The following P2RY12 variants were observed in gnomAD, a reference collection of about 807,000 sequenced individuals.
P2RY12 encodes the protein purinergic receptor P2Y12, also known as P2Y purinoceptor 12.
Under a neutral mutation model 4.5 loss-of-function variants are expected in P2RY12, and 3 were observed. The ratio of observed to expected loss-of-function variants is 0.67; its 90% CI spans 0.31 to 1.74. The LOEUF (loss-of-function observed/expected upper bound fraction) is 1.74, where lower values mean the gene tolerates loss of function less well. P2RY12 is among the 40% of genes most tolerant of loss of function. The probability of loss-of-function intolerance (pLI) is 0.09; values close to 1 mark genes in which losing one functional copy is unlikely to be tolerated. For synonymous variants in P2RY12, 148 were observed against 154.1 expected, an observed-to-expected ratio of 0.96 and a Z score of 0.29; for missense variants, 356 against 407.8, an observed-to-expected ratio of 0.87 and a Z score of 1.09.
At chr3:151,342,068 C>T (rs954075384) in intron 1 of P2RY12, among the ~76,000 whole-genome samples, 1 of 152,108 alleles carries the variant, frequency 6.6e-6, no homozygotes, top group Non-Finnish European at 1.5e-5. Flanking sequence ...AGCAGCATGA[C>T]TTATAATCCT....
chr3:151,376,623 G>C lies in P2RY12; in HGVS notation c.-180+8069C>G, dbSNP rs148294429. Among the ~76,000 whole-genome samples, 1,042 of 152,202 alleles carry C rather than the reference G, an allele frequency of 6.8e-3. 11 individuals are homozygous for C. The highest frequency in any genetic ancestry group is 0.024 in the African/African-American group (1,010 of 41,524). ...TTAATAATTAATGTTTCTGTTTATTGGTTTGTATCGCTACTGAATATATAT... is the reference window on the plus strand; with the variant it reads ...TTAATAATTAATGTTTCTGTTTATTCGTTTGTATCGCTACTGAATATATAT... On this transcript the variant is annotated intron_variant, in intron 1 of 2. Transcript: ENST00000302632.
At chr3:151,369,251 A>C (rs1755879700) in intron 1 of P2RY12, among the ~76,000 whole-genome samples, 1 of 152,216 alleles carries the variant, frequency 6.6e-6, no homozygotes. Flanking sequence ...TTAATAAATA[A>C]AAAGAAAAGG....
chr3:151,384,593 C>T, intron 1 of P2RY12, 99 bp downstream of exon 1: 1 of 193,850 alleles, frequency 5.2e-6, no homozygotes, highest in South Asian at 1.3e-4. Flanking sequence ...ATTTGACCGA[C>T]CACTAACAGA....
intron 1 of P2RY12, among the ~76,000 whole-genome samples, chr3:151,357,689 G>A (rs1560072297): frequency 6.6e-6 from 1 of 152,188 alleles, no homozygotes; most frequent in Non-Finnish European, 1.5e-5. Context: ...ATTATGAATA[G>A]TGAATGCTGT....
At chr3:151,375,752 T>A (rs1429156232) in intron 1 of P2RY12, among the ~76,000 whole-genome samples, 1 of 152,146 alleles carries the variant, frequency 6.6e-6, no homozygotes, top group African/African-American at 2.4e-5. Flanking sequence ...GACCTTACTT[T>A]CCAGTTAAAA....
intron 1 of P2RY12, chr3:151,369,524 T>A: frequency 6.2e-7 from 1 of 1,611,510 alleles, no homozygotes; most frequent in Non-Finnish European, 8.5e-7. Context: ...CCGTGTTTGC[T>A]GTCTTAAAAG....
At chr3:151,383,752 A>G in intron 1 of P2RY12, 2 of 1,470,310 alleles carry the variant, frequency 1.4e-6, no homozygotes, top group African/African-American at 1.4e-5. Context: ...ACAGAATGCA[A>G]ATATCTTACT....
chr3:151,379,961 T>C, intron 1 of P2RY12: 1 of 529,866 alleles, frequency 1.9e-6, no homozygotes, highest in Admixed American at 3.9e-5. Flanking sequence ...TTTAATTTTA[T>C]AAGTAGAGGT....
chr3:151,372,587 A>G (rs2108020182), intron 1 of P2RY12: 1 of 1,613,798 alleles, frequency 6.2e-7, no homozygotes, highest in East Asian at 2.2e-5. Flanking sequence ...AATTGGCAAT[A>G]ACAGTGTCAG....
chr3:151,343,600 C>G (rs1211764115), intron 1 of P2RY12, among the ~76,000 whole-genome samples: 1 of 151,314 alleles, frequency 6.6e-6, no homozygotes, highest in Non-Finnish European at 1.5e-5. Context: ...GTTATAGATA[C>G]TTTAATCTCT....
At chr3:151,349,305 G>A (rs142429767) in intron 1 of P2RY12, among the ~76,000 whole-genome samples, 19 of 152,240 alleles carry the variant, frequency 1.2e-4, no homozygotes, top group African/African-American at 4.3e-4. Context: ...GTGGAGAGGT[G>A]GTCCAGAAGG....
At position 151,338,647 on chromosome 3, in the gene P2RY12, C is replaced by T; in HGVS notation, c.199G>A (p.Val67Ile). Residue 67 changes from valine (V) to isoleucine (I), a missense_variant, in exon 3 of 3, where the codon GTC (valine) becomes ATC (isoleucine). Coordinates refer to ENST00000302632, the MANE Select transcript of P2RY12 (RefSeq NM_022788.5). ...AGAATCATGAGAAGATCAGAAATGACTGTGTTCTTAAGAAAAATAATAAAG... is the reference window on the plus strand; with the variant it reads ...AGAATCATGAGAAGATCAGAAATGATTGTGTTCTTAAGAAAAATAATAAAG... Reference protein sequence around the residue: ...SNFIIFLKNTVISDLLMILTF... With the variant: ...SNFIIFLKNTIISDLLMILTF... 1 of 1,613,812 alleles carries T rather than the reference C, an allele frequency of 6.2e-7. No homozygotes were observed. Among genetic ancestry groups the T allele is most frequent in the South Asian group, 1.1e-5 (1 of 91,058 alleles).
At chr3:151,342,714 T>C (rs533017416) in intron 1 of P2RY12, among the ~76,000 whole-genome samples, 13 of 152,338 alleles carry the variant, frequency 8.5e-5, no homozygotes, top group African/African-American at 2.2e-4. Context: ...TAGTTTGATA[T>C]TAAACTCTTG....
chr3:151,372,873 C>A, intron 1 of P2RY12: 1 of 764,086 alleles, frequency 1.3e-6, no homozygotes, highest in Non-Finnish European at 2.1e-6. Context: ...TTTTTTCTTG[C>A]TCACTTTATT....
intron 1 of P2RY12, chr3:151,360,728 A>G: frequency 2.4e-6 from 2 of 830,440 alleles, no homozygotes; most frequent in Middle Eastern, 4.8e-4. Context: ...TTAGGCAGTA[A>G]TTTTGATATA....
At chr3:151,345,417 C>T (rs909988777) in intron 1 of P2RY12, among the ~76,000 whole-genome samples, 3 of 151,822 alleles carry the variant, frequency 2.0e-5, no homozygotes, top group Admixed American at 6.6e-5. Flanking sequence ...ATCGTTGATA[C>T]TTTTGAAAAT....
At chr3:151,368,634 C>T (rs12632343) in intron 1 of P2RY12, among the ~76,000 whole-genome samples, 1,800 of 42,820 alleles carry the variant, frequency 0.042, 15 homozygotes, top group African/African-American at 0.063. Context: ...TATTTTATTT[C>T]ATTTCATTTC....
chr3:151,363,477 A>C (rs1026307889), intron 1 of P2RY12, among the ~76,000 whole-genome samples: 8 of 152,142 alleles, frequency 5.3e-5, no homozygotes, highest in African/African-American at 1.9e-4. Context: ...TCTACCACTG[A>C]TTGAGCTACT....
At chr3:151,363,090 C>T (rs540823634) in intron 1 of P2RY12, among the ~76,000 whole-genome samples, 1 of 152,032 alleles carries the variant, frequency 6.6e-6, no homozygotes, top group South Asian at 2.1e-4. Flanking sequence ...AAGTAACATG[C>T]GCTGGGCGTG....
Sources: allele counts gnomAD v4.1 joint callset (sites outside exome capture counted in the v4.1 genomes callset), GRCh38; gene constraint gnomAD v4.1.1; transcripts MANE v1.5; gene names NCBI Gene and HGNC (gene_info 2026-07-23, HGNC 2026-07-21).